Variants in NLE1 observed in about 807,000 individuals in gnomAD.
NLE1 encodes notchless protein homolog 1.
A neutral mutation model predicts 62.8 loss-of-function variants in NLE1; 37 were observed. That is an observed-to-expected ratio of 0.59 (90% CI 0.45 to 0.78). The LOEUF (loss-of-function observed/expected upper bound fraction) is 0.78. Among genes scored for constraint, NLE1 ranks in the 30% least tolerant of loss-of-function variants. The pLI is 0.00. For synonymous variants in NLE1, 243 were observed against 253.0 expected (o/e 0.96, Z 0.37); for missense variants, 555 against 637.9 (o/e 0.87, Z 1.40).
Position 35,129,353 on chromosome 17 carries a change from T to C in NLE1, c.*3084A>G. 1 of 1,563,086 alleles carries C rather than the reference T, an allele frequency of 6.4e-7. No individual in the cohort carries two copies. The highest frequency in any genetic ancestry group is 8.7e-7 in the Non-Finnish European group (1 of 1,149,850). ...TGGGCATGGGACGTCCTGACCCCAG[T>C]TGGGAGGGTGAAGGGACAGGAAGGA... is the stretch of plus-strand genomic sequence containing the variant. On this transcript the variant is annotated 3_prime_UTR_variant, in exon 13 of 13. Coordinates refer to ENST00000442241, the MANE Select transcript of NLE1 (RefSeq NM_018096.5).
intron 5 of NLE1, 30 bp downstream of exon 5, chr17:35,137,782 GTC>G: frequency 6.4e-7 from 1 of 1,572,856 alleles, no homozygotes; most frequent in Non-Finnish European, 8.7e-7. Flanking sequence ...GCCCCCTTGA[GTC>G]TCTGCCTAGT....
At chr17:35,137,433 T>A (rs1348176222) in intron 6 of NLE1, 110 bp downstream of exon 6, 12 of 955,112 alleles carry the variant, frequency 1.3e-5, no homozygotes, top group Non-Finnish European at 1.9e-5. Context: ...TCACGGTCAT[T>A]CAGGCTGCCC....
intron 12 of NLE1, among the ~76,000 whole-genome samples, chr17:35,132,655 C>T (rs974728771): frequency 1.3e-5 from 2 of 152,192 alleles, no homozygotes; most frequent in African/African-American, 4.8e-5. Flanking sequence ...GGGCCTGGCC[C>T]TCGGGATGCC....
At position 35,136,350 on chromosome 17, in the gene NLE1, C is replaced by G; in HGVS notation, c.964+12G>C. ...CAATCAGCCCCCGCTCTTCCTTCTCCCAATCACTCACAGGATCCTTGGAGG... is the reference window on the plus strand; with the variant it reads ...CAATCAGCCCCCGCTCTTCCTTCTCGCAATCACTCACAGGATCCTTGGAGG... On this transcript the variant is annotated intron_variant, in intron 8 of 12. Coordinates refer to ENST00000442241, the MANE Select transcript of NLE1 (RefSeq NM_018096.5). The G allele has an allele frequency of 6.2e-7, 1 of 1,611,776 alleles. No homozygotes were observed. Among genetic ancestry groups the G allele is most frequent in the Non-Finnish European group, 8.5e-7 (1 of 1,178,038 alleles).
Position 35,132,347 on chromosome 17 carries a change from G to A in NLE1, c.*90C>T, listed in dbSNP as rs2091880939. 7 of 1,184,222 alleles carry A rather than the reference G, an allele frequency of 5.9e-6. No individual in the cohort carries two copies. In the South Asian group the frequency reaches 1.4e-4, roughly 23 times the overall value. 73.4% of individuals were successfully genotyped at this position (1,184,222 alleles called of 1,614,324 possible). A position where few individuals can be genotyped will look rare whatever the true frequency, so the allele number is the denominator to read the frequency against. On this transcript the variant is annotated 3_prime_UTR_variant, in exon 13 of 13. Transcript: ENST00000442241. ...GTCCCCACTGGTGGGGAGGGTGTGT[G>A]CACTGCCATCTCAGCCTTTGTTCTC...
Position 35,130,338 on chromosome 17 carries a change from C to G in NLE1, c.*2099G>C. The G allele has an allele frequency of 6.2e-7, 1 of 1,614,158 alleles. No homozygotes were observed. Among genetic ancestry groups the G allele is most frequent in the Non-Finnish European group, 8.5e-7 (1 of 1,180,014 alleles). On this transcript the variant is annotated 3_prime_UTR_variant, in exon 13 of 13. Transcript: ENST00000442241. The stretch of plus-strand genomic sequence containing the variant: ...TTCCTGAGAACTACCCCATCCAGAT[C>G]ACCGTGCGGCGCAAGGAACCCCGGC...
At chr17:35,137,517 G>T in intron 6 of NLE1, 26 bp downstream of exon 6, 1 of 1,579,200 alleles carries the variant, frequency 6.3e-7, no homozygotes, top group South Asian at 1.1e-5. Flanking sequence ...TGGCTCATTT[G>T]TCCCAGCTCC....
At position 35,137,040 on chromosome 17, in the gene NLE1, G is replaced by A; in HGVS notation, c.789C>T (p.Ala263=). Residue 263 remains alanine (A), a synonymous_variant, in exon 7 of 13, where the codon GCC becomes GCT. Transcript: ENST00000442241. The part of the protein sequence containing the change: ...RWGGDGLLYS[A]SQDRTIKVWR... ...AGACTTTGATGGTGCGGTCCTGGGAGGCAGAGTAGAGAAGCCCGTCCCCTC... is the reference window on the plus strand; with the variant it reads ...AGACTTTGATGGTGCGGTCCTGGGAAGCAGAGTAGAGAAGCCCGTCCCCTC... 1 of 1,613,578 alleles carries A rather than the reference G, an allele frequency of 6.2e-7. No homozygotes were observed. Among genetic ancestry groups the A allele is most frequent in the South Asian group, 1.1e-5 (1 of 91,042 alleles).
In NLE1 at chr17:35,133,456, C is replaced by A. The variant is rs745751342; in HGVS notation, c.1257G>T (p.Gln419His). The change falls in exon 11 of 13, where the codon CAG becomes CAT. Residue 419 changes from glutamine (Q) to histidine (H), a missense_variant. Transcript: ENST00000442241. ...SLRGHVAAVYQIAWSADSRLL... is the reference protein window; with the variant it reads ...SLRGHVAAVYHIAWSADSRLL... ...GCCGACTGTCAGCTGACCACGCAAT[C>A]TGGTACACGGCAGCCACGTGGCCGC... 8.1e-6 allele frequency: 13 copies of A among 1,613,878 alleles called. No homozygotes were observed. Among genetic ancestry groups the A allele is most frequent in the Non-Finnish European group, 1.0e-5 (12 of 1,180,006 alleles).
At chr17:35,141,705 C>G (rs1191634229) in intron 2 of NLE1, among the ~76,000 whole-genome samples, 1 of 152,180 alleles carries the variant, frequency 6.6e-6, no homozygotes, top group Non-Finnish European at 1.5e-5. Flanking sequence ...GGGATATTAA[C>G]GTGTCCCAGA....
chr17:35,130,372 G>A lies in NLE1; in HGVS notation c.*2065C>T, dbSNP rs751094213. The A allele has an allele frequency of 1.5e-5, 25 of 1,614,116 alleles. No individual in the cohort carries two copies. The highest frequency in any genetic ancestry group is 4.5e-5 in the East Asian group (2 of 44,876). On this transcript the variant is annotated 3_prime_UTR_variant, in exon 13 of 13. Transcript: ENST00000442241. ...GCGCAAGGAACCCCGGCAAAAGATC[G>A]TGTCCATCGGGCCGGAGGAGATGCG...
rs1206667825 is a variant in NLE1, at chr17:35,129,532, A to C, written c.*2905T>G. 1 of 1,614,114 alleles carries C rather than the reference A, an allele frequency of 6.2e-7. No individual in the cohort carries two copies. Among genetic ancestry groups the C allele is most frequent in the Non-Finnish European group, 8.5e-7 (1 of 1,180,048 alleles). ...AGTTGCCCGAGGCAAAGAATCGTCCATGGATCTTCAACAAGATTTTGGGCA... is the reference window on the plus strand; with the variant it reads ...AGTTGCCCGAGGCAAAGAATCGTCCCTGGATCTTCAACAAGATTTTGGGCA... On this transcript the variant is annotated 3_prime_UTR_variant, in exon 13 of 13. Coordinates refer to ENST00000442241, the MANE Select transcript of NLE1 (RefSeq NM_018096.5).
Position 35,129,248 on chromosome 17 carries a change from G to A in NLE1, c.*3189C>T, listed in dbSNP as rs541095137. The stretch of plus-strand genomic sequence containing the variant: ...TGCCCAGGAGAGTAGTACATGCTTC[G>A]GGGCAGGGGTTCCACACTCAGTGCT... On this transcript the variant is annotated 3_prime_UTR_variant, in exon 13 of 13. Coordinates refer to ENST00000442241, the MANE Select transcript of NLE1 (RefSeq NM_018096.5). 4.4e-5 allele frequency: 34 copies of A among 776,796 alleles called. No homozygotes were observed. Among genetic ancestry groups the A allele is most frequent in the Middle Eastern group, 3.6e-4 (1 of 2,812 alleles). The allele number at this position is 776,796 out of a possible 1,614,324, so 48.1% of individuals were successfully genotyped here.
chr17:35,130,553 T>A lies in NLE1; in HGVS notation c.*1884A>T. ...CCTGCGGGCCCGGGGTCTGGCAGAG[T>A]GGTATGGGCACCCCACCCCTGGGCT... On this transcript the variant is annotated 3_prime_UTR_variant, in exon 13 of 13. Transcript: ENST00000442241. 2 of 1,090,856 alleles carry A rather than the reference T, an allele frequency of 1.8e-6. No individual in the cohort carries two copies. Among genetic ancestry groups the A allele is most frequent in the Non-Finnish European group, 2.6e-6 (2 of 775,296 alleles). 67.6% of individuals were successfully genotyped at this position (1,090,856 alleles called of 1,614,324 possible). A position where few individuals can be genotyped will look rare whatever the true frequency, so the allele number is the denominator to read the frequency against.
chr17:35,137,550 G>A lies in NLE1; in HGVS notation c.628C>T (p.Leu210Phe), dbSNP rs996455964. The change falls in exon 6 of 13, where the codon CTC becomes TTC. Residue 210 changes from leucine to phenylalanine, a missense_variant. Coordinates refer to ENST00000442241, the MANE Select transcript of NLE1 (RefSeq NM_018096.5). ...KWITGLSWEP[L>F]HANPECRYVA... is the part of the protein sequence containing the mutation. ...TCCGTCAGTGTCACTTACGCATGGA[G>A]GGGCTCCCAGCTCAGGCCTGTGATC... is the stretch of plus-strand genomic sequence containing the variant. 1.2e-6 allele frequency: 2 copies of A among 1,608,284 alleles called. No individual in the cohort carries two copies. Among genetic ancestry groups the A allele is most frequent in the Non-Finnish European group, 1.7e-6 (2 of 1,179,560 alleles).
At chr17:35,136,304 G>C in intron 8 of NLE1, 58 bp downstream of exon 8, 1 of 1,609,302 alleles carries the variant, frequency 6.2e-7, no homozygotes, top group Non-Finnish European at 8.5e-7. Context: ...TCCCCATTAA[G>C]CTTGAGAACT....
At position 35,130,684 on chromosome 17, in the gene NLE1, T is replaced by C. The variant is rs991574393; in HGVS notation, c.*1753A>G. 2 of 503,956 alleles carry C rather than the reference T, an allele frequency of 4.0e-6. No homozygotes were observed. Among genetic ancestry groups the C allele is most frequent in the Non-Finnish European group, 7.1e-6 (2 of 281,530 alleles). The allele number at this position is 503,956 out of a possible 1,614,324, so 31.2% of individuals were successfully genotyped here. On this transcript the variant is annotated 3_prime_UTR_variant, in exon 13 of 13. Coordinates refer to ENST00000442241, the MANE Select transcript of NLE1 (RefSeq NM_018096.5). Reference sequence around the variant, plus strand: ...CTGCTAGACTCCCTCCTCCTCCAAATCTGGGCTGGGTCTAGGTCCCTCATT... The same window carrying C: ...CTGCTAGACTCCCTCCTCCTCCAAACCTGGGCTGGGTCTAGGTCCCTCATT...
Position 35,130,160 on chromosome 17 carries a change from G to C in NLE1, c.*2277C>G. The C allele has an allele frequency of 6.8e-7, 1 of 1,469,828 alleles. No individual in the cohort carries two copies. The highest frequency in any genetic ancestry group is 9.0e-7 in the Non-Finnish European group (1 of 1,113,864). 91.0% of individuals were successfully genotyped at this position (1,469,828 alleles called of 1,614,324 possible). On this transcript the variant is annotated 3_prime_UTR_variant, in exon 13 of 13. Transcript: ENST00000442241. ...ACCTGTTTCCTGCGTCAATGGCTAG[G>C]TTGGATAAGGCTGTTTAAGGTCTGA...
At position 35,130,231 on chromosome 17, in the gene NLE1, C is replaced by A; in HGVS notation, c.*2206G>T. On this transcript the variant is annotated 3_prime_UTR_variant, in exon 13 of 13. Transcript: ENST00000442241. ...GGGGTGATAGAGACAGAGAGAGAGC[C>A]AGGTTCAGATCTGGGAAGGAACTCT... The A allele has an allele frequency of 6.3e-7, 1 of 1,591,888 alleles. No homozygotes were observed. Among genetic ancestry groups the A allele is most frequent in the Non-Finnish European group, 8.6e-7 (1 of 1,168,014 alleles).
Sources: allele counts gnomAD v4.1 joint callset (sites outside exome capture counted in the v4.1 genomes callset), GRCh38; gene constraint gnomAD v4.1.1; transcripts MANE v1.5; gene names NCBI Gene and HGNC (gene_info 2026-07-23, HGNC 2026-07-21).